The following GSN variants were observed in gnomAD, a reference collection of about 807,000 sequenced individuals.
GSN encodes the protein actin-depolymerizing factor.
A neutral mutation model predicts 85.7 loss-of-function variants in GSN; 56 were observed. That is an observed-to-expected ratio of 0.65 (90% CI 0.53 to 0.82). GSN has a LOEUF of 0.82. Among genes scored for constraint, GSN ranks in the 40% least tolerant of loss-of-function variants. The pLI, the probability that GSN is intolerant of heterozygous loss-of-function variation, is 0.00. For synonymous variants in GSN, 373 were observed against 399.1 expected (o/e 0.93, Z 0.78); for missense variants, 857 against 979.8 (o/e 0.87, Z 1.67).
upstream of GSN, among the ~76,000 whole-genome samples, chr9:121,203,956 C>T (rs2053844261): frequency 6.6e-6 from 1 of 152,190 alleles, no homozygotes; most frequent in Non-Finnish European, 1.5e-5. Context: ...TTTGTTGTCA[C>T]ACTTTAACAT....
intron 4 of GSN, among the ~76,000 whole-genome samples, chr9:121,211,930 A>G (rs1373848003): frequency 1.3e-5 from 2 of 152,142 alleles, no homozygotes; most frequent in Non-Finnish European, 2.9e-5. Context: ...GGGCTCTGAT[A>G]CTCTGTATTT....
chr9:121,273,469 C>T (rs1046490875), intron 1 of GSN, among the ~76,000 whole-genome samples: 2 of 151,862 alleles, frequency 1.3e-5, no homozygotes, highest in Admixed American at 6.6e-5. Context: ...AGGACCTTTT[C>T]CCCCCACCCT....
chr9:121,315,330 T>C (rs1399985023), intron 7 of GSN, among the ~76,000 whole-genome samples: 33 of 152,356 alleles, frequency 2.2e-4, no homozygotes, highest in South Asian at 2.1e-4. Context: ...TCCTGATTGA[T>C]GGACATTAGG....
At chr9:121,243,927 G>A (rs952573368) in intron 5 of GSN, among the ~76,000 whole-genome samples, 6 of 152,156 alleles carry the variant, frequency 3.9e-5, no homozygotes, top group African/African-American at 1.4e-4. Flanking sequence ...ATATAGTTGT[G>A]TAATTATATC....
At chr9:121,239,687 AG>A (rs1217282229) in intron 5 of GSN, 5 of 305,734 alleles carry the variant, frequency 1.6e-5, no homozygotes, top group African/African-American at 1.1e-4. Context: ...AGAAATCTTC[AG>A]CCAGTACAAG....
intron 5 of GSN, among the ~76,000 whole-genome samples, chr9:121,232,398 A>G (rs10985187): frequency 0.38 from 57,772 of 152,130 alleles, 13,685 homozygotes; most frequent in East Asian, 0.62. Context: ...CTTCTGATTT[A>G]TCTGGTGGGG....
At position 121,302,982 on chromosome 9, in the gene GSN, G is replaced by A. The variant is rs750877079; in HGVS notation, c.268G>A (p.Gly90Ser). Residue 90 changes from glycine (G) to serine (S), a missense_variant, in exon 4 of 18, where the codon GGC becomes AGC. By Grantham distance (56) the Gly-to-Ser change is moderately conservative. Coordinates refer to ENST00000432226, the MANE Select transcript of GSN (RefSeq NM_198252.3). The part of the protein sequence containing the change: ...FTVQLDDYLN[G>S]RAVQHREVQG... The stretch of plus-strand genomic sequence containing the variant: ...CGTGCAGCTGGATGACTACCTGAAC[G>A]GCCGGGCCGTGCAGCACCGTGAGGT... The A allele has an allele frequency of 8.1e-6, 13 of 1,613,860 alleles. No individual in the cohort carries two copies. Among genetic ancestry groups the A allele is most frequent in the African/African-American group, 8.0e-5 (6 of 74,910 alleles).
intron 3 of GSN, 132 bp downstream of exon 3, chr9:121,302,299 T>A: frequency 9.5e-7 from 1 of 1,049,566 alleles, no homozygotes; most frequent in South Asian, 1.3e-5. Flanking sequence ...TGGTGGTTCA[T>A]GCCCTGAGAC....
At chr9:121,236,047 A>G (rs2054486007) in intron 5 of GSN, among the ~76,000 whole-genome samples, 1 of 152,222 alleles carries the variant, frequency 6.6e-6, no homozygotes, top group South Asian at 2.1e-4. Flanking sequence ...TCTGAAATCA[A>G]GGTGTCCACA....
At chr9:121,205,187 A>G (rs545561058), upstream of GSN, among the ~76,000 whole-genome samples, 33 of 152,070 alleles carry the variant, frequency 2.2e-4, no homozygotes, top group Non-Finnish European at 4.4e-4. Flanking sequence ...CCCATTTCCA[A>G]CCCCATCCCC....
intron 2 of GSN, among the ~76,000 whole-genome samples, chr9:121,286,936 A>G (rs1291379568): frequency 2.0e-5 from 3 of 152,212 alleles, no homozygotes; most frequent in Non-Finnish European, 4.4e-5. Context: ...CAACAAGACA[A>G]TGCTTATAAA....
chr9:121,237,489 T>C (rs2054518992), intron 5 of GSN, among the ~76,000 whole-genome samples: 1 of 152,124 alleles, frequency 6.6e-6, no homozygotes, highest in Non-Finnish European at 1.5e-5. Flanking sequence ...TGCTTGAGCC[T>C]GGGAGCAGCT....
intron 14 of GSN, among the ~76,000 whole-genome samples, chr9:121,328,406 G>A (rs934990610): frequency 6.6e-6 from 1 of 152,176 alleles, no homozygotes; most frequent in Non-Finnish European, 1.5e-5. Flanking sequence ...GGGAATTAGT[G>A]GGAATGAAGA....
At chr9:121,227,311 T>C (rs1163377082) in intron 4 of GSN, among the ~76,000 whole-genome samples, 8 of 152,024 alleles carry the variant, frequency 5.3e-5, no homozygotes, top group Non-Finnish European at 1.2e-4. Context: ...GGAGGATTGC[T>C]TGAACCCAGG....
chr9:121,232,589 C>G (rs2054412811), intron 5 of GSN, among the ~76,000 whole-genome samples: 1 of 152,162 alleles, frequency 6.6e-6, no homozygotes, highest in Non-Finnish European at 1.5e-5. Context: ...ATGAGGACTA[C>G]CCATTTAACA....
At chr9:121,321,011 G>C (rs550130324) in intron 10 of GSN, among the ~76,000 whole-genome samples, 1 of 152,264 alleles carries the variant, frequency 6.6e-6, no homozygotes, top group Admixed American at 6.5e-5. Flanking sequence ...CTGCCTTGAC[G>C]ATCCTCAGCG....
intron 6 of GSN, among the ~76,000 whole-genome samples, chr9:121,256,758 G>A (rs558370798): frequency 2.0e-5 from 3 of 152,148 alleles, no homozygotes; most frequent in East Asian, 3.9e-4. Flanking sequence ...CCGTGGTGGC[G>A]GAAATCTGTA....
the GSN span, among the ~76,000 whole-genome samples, chr9:121,202,676 TAC>T: frequency 6.6e-6 from 1 of 152,162 alleles, no homozygotes; most frequent in African/African-American, 2.4e-5. Flanking sequence ...GCTTGTACAT[TAC>T]ACACACACAT....
chr9:121,330,029 G>T (rs1288298282), intron 16 of GSN, among the ~76,000 whole-genome samples: 8 of 152,264 alleles, frequency 5.3e-5, no homozygotes, highest in African/African-American at 1.9e-4. Context: ...TACCCACAGG[G>T]ATGCTCGGAA....
Sources: gnomAD v4.1 joint callset for allele counts (sites outside exome capture counted in the v4.1 genomes callset) on GRCh38, gnomAD v4.1.1 for gene constraint, MANE v1.5 for transcripts, NCBI Gene and HGNC (gene_info 2026-07-23, HGNC 2026-07-21) for gene names.